TIAM2: variants seen among roughly 807,000 people sequenced by gnomAD.
TIAM2 encodes the protein rho guanine nucleotide exchange factor TIAM2.
In TIAM2, 80 loss-of-function variants were observed where a neutral mutation model predicts 152.9. The ratio of observed to expected loss-of-function variants is 0.52; its 90% confidence interval spans 0.44 to 0.63. The LOEUF (loss-of-function observed/expected upper bound fraction) is 0.63. Among genes scored for constraint, TIAM2 ranks in the 30% least tolerant of loss-of-function variants. The pLI, the probability that TIAM2 is intolerant of heterozygous loss-of-function variation, is 0.00. For synonymous variants in TIAM2, 804 were observed against 838.0 expected (o/e 0.96, Z 0.70); for missense variants, 1,965 against 2,120.1 (o/e 0.93, Z 1.44).
intron 15 of TIAM2, among the ~76,000 whole-genome samples, chr6:155,225,091 G>A (rs1782196847): frequency 6.6e-6 from 1 of 152,140 alleles, no homozygotes; most frequent in Non-Finnish European, 1.5e-5. Flanking sequence ...ATGTAGCTGG[G>A]ATTACAGGCA....
intron 1 of TIAM2, among the ~76,000 whole-genome samples, chr6:155,057,557 T>C (rs1455883409): frequency 6.9e-6 from 1 of 143,956 alleles, no homozygotes; most frequent in Non-Finnish European, 1.5e-5. Context: ...TTTTTTTTTT[T>C]TTTTTTTGAG....
intron 1 of TIAM2, among the ~76,000 whole-genome samples, chr6:155,088,360 C>T (rs575596030): frequency 5.4e-4 from 82 of 152,240 alleles, no homozygotes; most frequent in African/African-American, 1.8e-3. Context: ...GGATTACAGG[C>T]GTGAGCCACT....
rs1345524055 is a variant in TIAM2, at chr6:155,131,783, T to G, written c.1194+1366T>G. On this transcript the variant is annotated intron_variant, in intron 4 of 26. Transcript: ENST00000682666. ...TAGTAGAGACGGGGTTTCACCATGT[T>G]GGCCAGGCTGGTCTGGAACTCCTGA... Among the ~76,000 whole-genome samples, 3 of 152,042 alleles carry G rather than the reference T, an allele frequency of 2.0e-5. No homozygotes were observed. The South Asian group carries it at 6.2e-4, about 32-fold the overall frequency.
At chr6:155,158,887 T>C (rs192751776) in intron 7 of TIAM2, among the ~76,000 whole-genome samples, 3 of 152,272 alleles carry the variant, frequency 2.0e-5, no homozygotes, top group Admixed American at 2.0e-4. Flanking sequence ...GTGGGATGTC[T>C]TGGATTAAAA....
At chr6:155,060,582 T>C (rs909253546) in intron 1 of TIAM2, among the ~76,000 whole-genome samples, 10 of 152,164 alleles carry the variant, frequency 6.6e-5, no homozygotes, top group African/African-American at 2.4e-4. Flanking sequence ...CTCCAGTTAC[T>C]CCAGCTTTGG....
At chr6:155,093,796 C>A (rs1167080405) in intron 2 of TIAM2, among the ~76,000 whole-genome samples, 1 of 152,120 alleles carries the variant, frequency 6.6e-6, no homozygotes, top group African/African-American at 2.4e-5. Flanking sequence ...ATGTCAGTGG[C>A]CCCCTTTCTA....
chr6:155,243,987 A>G (rs778792752), intron 16 of TIAM2, 24 bp from the exon 17 acceptor site: 2 of 1,611,592 alleles, frequency 1.2e-6, no homozygotes, highest in African/African-American at 2.7e-5. Flanking sequence ...AGCGTTGAAG[A>G]CACTTTCTTC....
At chr6:155,228,838 G>T (rs1020712072) in intron 15 of TIAM2, among the ~76,000 whole-genome samples, 5 of 152,176 alleles carry the variant, frequency 3.3e-5, no homozygotes, top group Non-Finnish European at 7.3e-5. Flanking sequence ...CTGCTCAGTT[G>T]CTCCGTCCTG....
chr6:155,069,627 G>T (rs1221282911), intron 1 of TIAM2, among the ~76,000 whole-genome samples: 1 of 151,620 alleles, frequency 6.6e-6, no homozygotes, highest in African/African-American at 2.4e-5. Context: ...AATAGGAAAA[G>T]CTTGATCATT....
intron 1 of TIAM2, among the ~76,000 whole-genome samples, chr6:155,037,052 C>T (rs2114900330): frequency 6.6e-6 from 1 of 152,314 alleles, no homozygotes; most frequent in Non-Finnish European, 1.5e-5. Flanking sequence ...TTCATGGTTT[C>T]CTGTCCTGTA....
At chr6:155,111,931 C>T (rs1432591373) in intron 2 of TIAM2, among the ~76,000 whole-genome samples, 1 of 152,134 alleles carries the variant, frequency 6.6e-6, no homozygotes, top group East Asian at 1.9e-4. Flanking sequence ...AAACTCAATC[C>T]AGTCGGTCTT....
chr6:155,253,130 C>A, intron 24 of TIAM2, 77 bp downstream of exon 24: 3 of 1,259,426 alleles, frequency 2.4e-6, no homozygotes, highest in Non-Finnish European at 3.4e-6. Context: ...TAAGAAAGGA[C>A]CTTGGGGATA....
intron 15 of TIAM2, among the ~76,000 whole-genome samples, chr6:155,240,063 T>C (rs747352467): frequency 4.6e-5 from 7 of 152,256 alleles, no homozygotes; most frequent in Admixed American, 1.3e-4. Context: ...TAATTGCTCT[T>C]GGGCTGTGCC....
intron 1 of TIAM2, among the ~76,000 whole-genome samples, chr6:155,055,099 G>C (rs1288587084): frequency 5.3e-5 from 8 of 152,126 alleles, no homozygotes; most frequent in African/African-American, 1.9e-4. Flanking sequence ...GTCACTGTTT[G>C]GGTGTGTTTT....
intron 1 of TIAM2, among the ~76,000 whole-genome samples, chr6:155,044,967 C>A (rs1225457021): frequency 6.6e-6 from 1 of 151,980 alleles, no homozygotes; most frequent in African/African-American, 2.4e-5. Context: ...TTTCTCCGAT[C>A]CATTGGTGTT....
chr6:155,070,963 A>G (rs1159248523), intron 1 of TIAM2, among the ~76,000 whole-genome samples: 1 of 152,178 alleles, frequency 6.6e-6, no homozygotes, highest in Admixed American at 6.5e-5. Flanking sequence ...CTTGAGCCCA[A>G]GAGGTCGAGA....
chr6:155,126,870 G>A (rs150727945), intron 2 of TIAM2, among the ~76,000 whole-genome samples: 3,092 of 149,520 alleles, frequency 0.021, 56 homozygotes, highest in Non-Finnish European at 0.036. Context: ...TCTGCTTCCC[G>A]TGTCTGTGGC....
intron 14 of TIAM2, among the ~76,000 whole-genome samples, chr6:155,199,679 T>C (rs1389809103): frequency 6.6e-6 from 1 of 152,224 alleles, no homozygotes; most frequent in Non-Finnish European, 1.5e-5. Flanking sequence ...TCCTCCAAAA[T>C]TTTATGAAGC....
At chr6:155,125,576 C>T (rs561193701) in intron 2 of TIAM2, among the ~76,000 whole-genome samples, 1 of 151,940 alleles carries the variant, frequency 6.6e-6, no homozygotes, top group African/African-American at 2.4e-5. Context: ...CGGTGGCTCA[C>T]GCCTGTTATC....
Sources: allele counts gnomAD v4.1 joint callset (sites outside exome capture counted in the v4.1 genomes callset), GRCh38; gene constraint gnomAD v4.1.1; transcripts MANE v1.5; gene names NCBI Gene and HGNC (gene_info 2026-07-23, HGNC 2026-07-21).